PPM1H: variants seen among roughly 807,000 people sequenced by gnomAD.
PPM1H encodes the protein protein phosphatase, Mg2+/Mn2+ dependent 1H.
In PPM1H, 27 loss-of-function variants were observed where a neutral mutation model predicts 54.9. The observed-to-expected ratio is 0.49, with a 90% confidence interval of 0.36 to 0.68. PPM1H has a LOEUF of 0.68. Among genes scored for constraint, PPM1H ranks in the 30% least tolerant of loss-of-function variants. The probability of loss-of-function intolerance (pLI) is 0.00; values close to 1 mark genes in which losing one functional copy is unlikely to be tolerated. For synonymous variants in PPM1H, 305 were observed against 270.8 expected, an observed-to-expected ratio of 1.13 and a Z score of -1.24; for missense variants, 596 against 667.8, an observed-to-expected ratio of 0.89 and a Z score of 1.19.
chr12:62,665,738 A>AT (rs2075914439), intron 9 of PPM1H, among the ~76,000 whole-genome samples: 1 of 151,848 alleles, frequency 6.6e-6, no homozygotes, highest in South Asian at 2.1e-4. Context: ...AATGCTTTAA[A>AT]TTTTTTTGTT....
chr12:62,931,050 T>C (rs570163268), intron 1 of PPM1H, among the ~76,000 whole-genome samples: 107 of 152,226 alleles, frequency 7.0e-4, no homozygotes, highest in Non-Finnish European at 1.3e-3. Context: ...CTATAGCCTA[T>C]AGAGTCTCTC....
intron 1 of PPM1H, among the ~76,000 whole-genome samples, chr12:62,849,835 C>G (rs1019366443): frequency 6.6e-6 from 1 of 152,188 alleles, no homozygotes; most frequent in Non-Finnish European, 1.5e-5. Context: ...GAAAGAGCAT[C>G]CATGCCTCTA....
At chr12:62,867,474 G>T (rs546945203) in intron 1 of PPM1H, among the ~76,000 whole-genome samples, 1 of 149,714 alleles carries the variant, frequency 6.7e-6, no homozygotes, top group Non-Finnish European at 1.5e-5. Context: ...AAATATAACC[G>T]CAGGGAAACA....
intron 1 of PPM1H, among the ~76,000 whole-genome samples, chr12:62,906,070 G>A (rs948108274): frequency 1.3e-5 from 2 of 152,188 alleles, no homozygotes; most frequent in African/African-American, 4.8e-5. Flanking sequence ...CTAGCCAGAT[G>A]ACCAGTGGCT....
At chr12:62,866,874 AT>A (rs1869794648) in intron 1 of PPM1H, among the ~76,000 whole-genome samples, 1 of 151,950 alleles carries the variant, frequency 6.6e-6, no homozygotes, top group East Asian at 1.9e-4. Context: ...CATGACGCTC[AT>A]CCCTAGGGAT....
At chr12:62,793,608 C>T (rs1036168426) in intron 3 of PPM1H, among the ~76,000 whole-genome samples, 1 of 151,878 alleles carries the variant, frequency 6.6e-6, no homozygotes, top group South Asian at 2.1e-4. Context: ...CTTGTAACCC[C>T]AGCTACTCGG....
chr12:62,695,226 T>C (rs1304168565), intron 6 of PPM1H, among the ~76,000 whole-genome samples: 1 of 152,178 alleles, frequency 6.6e-6, no homozygotes, highest in African/African-American at 2.4e-5. Context: ...TAAGGTGTCC[T>C]TCCCATGGGG....
At position 62,925,874 on chromosome 12, in the gene PPM1H, T is replaced by A. The variant is rs566783871; in HGVS notation, c.245+8618A>T. 2.0e-5 allele frequency among the ~76,000 whole-genome samples: 3 copies of A among 152,312 alleles called. No homozygotes were observed. The South Asian group carries it at 6.2e-4, about 32-fold the overall frequency. On this transcript the variant is annotated intron_variant, in intron 1 of 9. Transcript: ENST00000228705. ...CAAACACTATTTGCCTGTTGACACA[T>A]TTGTCTATTTGGTCATTTCATCTGT...
chr12:62,891,224 A>G (rs1205768547), intron 1 of PPM1H, among the ~76,000 whole-genome samples: 1 of 152,054 alleles, frequency 6.6e-6, no homozygotes, highest in Non-Finnish European at 1.5e-5. Flanking sequence ...TGCATTCCAT[A>G]TACGAATGGA....
intron 2 of PPM1H, among the ~76,000 whole-genome samples, chr12:62,820,620 G>A (rs1196735107): frequency 6.6e-6 from 1 of 152,208 alleles, no homozygotes; most frequent in African/African-American, 2.4e-5. Flanking sequence ...TGATACCTAA[G>A]CAAATAGGGT....
chr12:62,717,972 T>G (rs938575754), intron 6 of PPM1H, among the ~76,000 whole-genome samples: 5 of 152,276 alleles, frequency 3.3e-5, no homozygotes, highest in African/African-American at 1.2e-4. Context: ...TTTTGACTAC[T>G]TTAGATCTAA....
chr12:62,911,251 AT>A (rs1225187393), intron 1 of PPM1H, among the ~76,000 whole-genome samples: 1 of 152,160 alleles, frequency 6.6e-6, no homozygotes, highest in Non-Finnish European at 1.5e-5. Flanking sequence ...TCAGAAAGAT[AT>A]TTCCCCCAAC....
Position 62,924,215 on chromosome 12 carries a change from G to A in PPM1H, c.245+10277C>T, listed in dbSNP as rs12582641. 2.0e-5 allele frequency among the ~76,000 whole-genome samples: 3 copies of A among 152,200 alleles called. 1 individual carries two copies. The South Asian group carries it at 6.2e-4, about 32-fold the overall frequency. On this transcript the variant is annotated intron_variant, in intron 1 of 9. Transcript: ENST00000228705. ...TAAGACGAAACTGAGGCCCAGAGTG[G>A]GGGGGGCAGTAGCCAACTCGACAAC...
intron 4 of PPM1H, among the ~76,000 whole-genome samples, chr12:62,787,174 C>A (rs889012917): frequency 3.3e-5 from 5 of 152,036 alleles, no homozygotes; most frequent in African/African-American, 7.2e-5. Flanking sequence ...AATTGGTGGT[C>A]TGGGCTGCAG....
In PPM1H at chr12:62,893,163, C is replaced by T. The variant is rs138980521; in HGVS notation, c.245+41329G>A. On this transcript the variant is annotated intron_variant, in intron 1 of 9. Coordinates refer to ENST00000228705, the MANE Select transcript of PPM1H (RefSeq NM_020700.2). The stretch of plus-strand genomic sequence containing the variant: ...AAATAAGAAAATATGTGACAGAGAT[C>T]GTATGGGCCCCAAAGCTATGAGGCC... Among the ~76,000 whole-genome samples, 476 of 152,246 alleles carry T rather than the reference C, an allele frequency of 3.1e-3. 3 individuals carry two copies. The highest frequency in any genetic ancestry group is 0.011 in the African/African-American group (454 of 41,550).
intron 5 of PPM1H, among the ~76,000 whole-genome samples, chr12:62,737,231 A>AAG (rs2076354737): frequency 6.6e-6 from 1 of 150,952 alleles, no homozygotes; most frequent in Non-Finnish European, 1.5e-5. Context: ...AAAAAAAAAA[A>AAG]ACAAAAAAAA....
At chr12:62,757,930 C>A (rs902097534) in intron 4 of PPM1H, among the ~76,000 whole-genome samples, 1 of 152,160 alleles carries the variant, frequency 6.6e-6, no homozygotes, top group Non-Finnish European at 1.5e-5. Context: ...CCACATGCAA[C>A]CCTTTATGGC....
chr12:62,911,143 G>C (rs188322496), intron 1 of PPM1H, among the ~76,000 whole-genome samples: 11 of 152,142 alleles, frequency 7.2e-5, no homozygotes, highest in African/African-American at 2.7e-4. Context: ...TATTCTTCAG[G>C]GGGTCTAATG....
chr12:62,807,620 T>TTG (rs2076812586), intron 2 of PPM1H, among the ~76,000 whole-genome samples: 3 of 147,654 alleles, frequency 2.0e-5, no homozygotes, highest in African/African-American at 7.7e-5. Context: ...GTTTGTTGTT[T>TTG]TTTAATCCCT....
Sources: gnomAD v4.1 joint callset for allele counts (sites outside exome capture counted in the v4.1 genomes callset) on GRCh38, gnomAD v4.1.1 for gene constraint, MANE v1.5 for transcripts, NCBI Gene and HGNC (gene_info 2026-07-23, HGNC 2026-07-21) for gene names.